The following PDE4C variants were observed in gnomAD, a reference collection of about 807,000 sequenced individuals.
The protein encoded by PDE4C is phosphodiesterase 4C.
Under a neutral mutation model 63.9 loss-of-function variants are expected in PDE4C, and 50 were observed. The ratio of observed to expected loss-of-function variants is 0.78; its 90% CI spans 0.62 to 0.99. The LOEUF (loss-of-function observed/expected upper bound fraction) is 0.99. Among genes scored for constraint, PDE4C ranks in the 50% least tolerant of loss-of-function variants. The pLI is 0.00. For synonymous variants in PDE4C, 377 were observed against 385.1 expected (o/e 0.98, Z 0.25); for missense variants, 777 against 899.1 (o/e 0.86, Z 1.74).
upstream of PDE4C, among the ~76,000 whole-genome samples, chr19:18,251,703 T>TGCCCCCGCCCCCGCCCCCGCCCC (rs1969232179): frequency 1.5e-5 from 1 of 68,804 alleles, no homozygotes; most frequent in African/African-American, 8.0e-5. Flanking sequence ...GCCCCCGCCC[T>TGCCCCCGCCCCCGCCCCCGCCCC]CGGCCTCCCA....
chr19:18,247,014 C>G (rs1969145554), intron 1 of PDE4C, among the ~76,000 whole-genome samples: 2 of 152,204 alleles, frequency 1.3e-5, no homozygotes, highest in Non-Finnish European at 2.9e-5. Context: ...TTGAATCCAG[C>G]CCCCGCAGGG....
intron 12 of PDE4C, among the ~76,000 whole-genome samples, chr19:18,215,486 TAA>T (rs10712414): frequency 1.3e-3 from 194 of 146,116 alleles, no homozygotes; most frequent in African/African-American, 3.3e-3. Flanking sequence ...TGCCCCTACC[TAA>T]AAAAAAAAAA....
intron 1 of PDE4C, chr19:18,224,516 T>C: frequency 1.0e-6 from 1 of 985,462 alleles, no homozygotes; most frequent in Non-Finnish European, 1.2e-6. Context: ...ACGAAGAGTT[T>C]GTTCGATGAG....
chr19:18,233,174 G>A, exon 1 of PDE4C: 1 of 1,558,408 alleles, frequency 6.4e-7, no homozygotes. Context: ...CCCCTTCGCC[G>A]ACCCCCAGGT....
exon 11 of PDE4C, chr19:18,218,174 G>T: frequency 6.2e-7 from 1 of 1,614,010 alleles, no homozygotes; most frequent in South Asian, 1.1e-5. Context: ...ACTGGTTGGA[G>T]ACCCCAGGAT....
chr19:18,245,455 G>A (rs1490956270), intron 1 of PDE4C, among the ~76,000 whole-genome samples: 4 of 152,022 alleles, frequency 2.6e-5, no homozygotes, highest in Admixed American at 2.0e-4. Flanking sequence ...GTGAGCCACC[G>A]TGCCTGGCCT....
chr19:18,241,834 G>C (rs965477488), intron 1 of PDE4C, among the ~76,000 whole-genome samples: 2 of 152,220 alleles, frequency 1.3e-5, no homozygotes, highest in African/African-American at 4.8e-5. Flanking sequence ...CCAGGCTTGA[G>C]CCATGGCGCT....
chr19:18,228,399 T>G (rs2148047630), upstream of PDE4C, among the ~76,000 whole-genome samples: 1 of 152,210 alleles, frequency 6.6e-6, no homozygotes, highest in South Asian at 2.1e-4. Context: ...AAGTGTGGAC[T>G]ACTATTCCCA....
intron 1 of PDE4C, among the ~76,000 whole-genome samples, chr19:18,241,457 C>T (rs1244557908): frequency 3.3e-5 from 5 of 151,658 alleles, no homozygotes; most frequent in African/African-American, 9.7e-5. Flanking sequence ...TTAGTAGAGA[C>T]GGGGTCTCAC....
chr19:18,211,069 C>T, exon 15 of PDE4C: 1 of 1,614,242 alleles, frequency 6.2e-7, no homozygotes, highest in Non-Finnish European at 8.5e-7. Flanking sequence ...TCATCCTCTT[C>T]CTCTGCCTCC....
chr19:18,211,384 G>T, intron 14 of PDE4C, 108 bp from the exon 15 acceptor site: 1 of 904,996 alleles, frequency 1.1e-6, no homozygotes, highest in Non-Finnish European at 1.6e-6. Flanking sequence ...CTGGAATGCC[G>T]CTTCCCAACA....
At chr19:18,221,046 C>T in intron 4 of PDE4C, 59 bp downstream of exon 4, 1 of 1,396,846 alleles carries the variant, frequency 7.2e-7, no homozygotes, top group Non-Finnish European at 9.7e-7. Flanking sequence ...TTGCAGCCCG[C>T]TTTCCGCCCA....
At position 18,220,934 on chromosome 19, in the gene PDE4C, G is replaced by T; in HGVS notation, c.450-11C>A. 1 of 1,598,502 alleles carries T rather than the reference G, an allele frequency of 6.3e-7. No homozygotes were observed. Among genetic ancestry groups the T allele is most frequent in the Non-Finnish European group, 8.5e-7 (1 of 1,174,334 alleles). On this transcript the variant is annotated splice_polypyrimidine_tract_variant and intron_variant, in intron 4 of 14. Transcript: ENST00000262805. This position sits in a 1 kb window ranked among gnomAD's most constrained non-coding sequence, Gnocchi z 5.1. Reference sequence around the variant, plus strand: ...CCGACGGGTCCCTGCCTGCGGTACAGCAGCCTCAGGCGTGGCTGCTCCGCC... The same window carrying T: ...CCGACGGGTCCCTGCCTGCGGTACATCAGCCTCAGGCGTGGCTGCTCCGCC...
At chr19:18,229,144 T>TTCACTA (rs1247280703), upstream of PDE4C, among the ~76,000 whole-genome samples, 17 of 141,796 alleles carry the variant, frequency 1.2e-4, no homozygotes, top group African/African-American at 4.4e-4. Context: ...GAGACGAGGT[T>TTCACTA]TCACTATATT....
upstream of PDE4C, among the ~76,000 whole-genome samples, chr19:18,237,791 TGAACCCGGGAGGTG>T (rs1968977747): frequency 6.9e-6 from 1 of 144,260 alleles, no homozygotes; most frequent in South Asian, 2.1e-4. Flanking sequence ...GAGAATAGTG[TGAACCCGGGAGGTG>T]GAGCTTGCAG....
At chr19:18,210,702 CT>C in exon 15 of PDE4C, 1 of 519,620 alleles carries the variant, frequency 1.9e-6, no homozygotes, top group Non-Finnish European at 3.1e-6. Context: ...TCGTAAGAGG[CT>C]GCCCCTTAGA....
chr19:18,233,073 A>C (rs1183584543), exon 1 of PDE4C: 1 of 1,570,902 alleles, frequency 6.4e-7, no homozygotes, highest in East Asian at 2.3e-5. Flanking sequence ...TTGGATGCGG[A>C]TGGGGCGCCG....
At chr19:18,216,988 C>A in intron 11 of PDE4C, 93 bp from the exon 12 acceptor site, 2 of 1,433,358 alleles carry the variant, frequency 1.4e-6, no homozygotes, top group South Asian at 2.8e-5. Context: ...AAACTCCTAC[C>A]CATGCGTTGA....
chr19:18,211,277 C>A lies in PDE4C; in HGVS notation c.1696-1G>T. On this transcript the variant is annotated splice_acceptor_variant, in intron 14 of 14. Coordinates refer to ENST00000262805, the Ensembl canonical transcript of PDE4C. LOFTEE classifies it high-confidence loss of function. ...GAGCAATGTAGTCAATGAAACCCAC[C>A]TGTGGCGGGGGGTGGGGCATGTCGG... The A allele has an allele frequency of 2.5e-6, 4 of 1,570,772 alleles. No individual in the cohort carries two copies. The highest frequency in any genetic ancestry group is 3.5e-6 in the Non-Finnish European group (4 of 1,154,030).
Sources: allele counts gnomAD v4.1 joint callset (sites outside exome capture counted in the v4.1 genomes callset), GRCh38; gene constraint gnomAD v4.1.1; non-coding constraint Gnocchi (gnomAD v3.1); transcripts MANE v1.5; gene names NCBI Gene and HGNC (gene_info 2026-07-23, HGNC 2026-07-21).